DEPTOR: variants seen among roughly 807,000 people sequenced by gnomAD.
DEPTOR encodes DEP domain containing MTOR interacting protein.
DEPTOR carries 41 observed loss-of-function variants against 41.6 expected under a neutral mutation model. That is an observed-to-expected ratio of 0.98 (90% CI 0.77 to 1.28). DEPTOR has a LOEUF of 1.28. DEPTOR is among the 50% of genes most tolerant of loss of function. The pLI, the probability that DEPTOR is intolerant of heterozygous loss-of-function variation, is 0.00. For missense variants in DEPTOR, 514 were observed against 527.9 expected (o/e 0.97, Z 0.26); for synonymous variants, 195 against 192.3 (o/e 1.01, Z -0.12).
At chr8:119,877,062 C>A (rs1291094652) in intron 1 of DEPTOR, among the ~76,000 whole-genome samples, 3 of 152,216 alleles carry the variant, frequency 2.0e-5, no homozygotes, top group South Asian at 2.1e-4. Flanking sequence ...TCTGCCTCCA[C>A]CATTTATTCT....
chr8:119,928,729 C>T, intron 2 of DEPTOR, 151 bp downstream of exon 2: 1 of 624,496 alleles, frequency 1.6e-6, no homozygotes, highest in Non-Finnish European at 2.4e-6. Flanking sequence ...CTCTAAGAGG[C>T]ATTTGGGTTC....
At chr8:119,995,588 CAA>C (rs773251025) in intron 4 of DEPTOR, among the ~76,000 whole-genome samples, 19 of 92,310 alleles carry the variant, frequency 2.1e-4, no homozygotes, top group Non-Finnish European at 1.1e-4. Context: ...TCCTCTGTCT[CAA>C]AAAAAAAAAA....
intron 8 of DEPTOR, among the ~76,000 whole-genome samples, chr8:120,009,725 A>G (rs978483139): frequency 2.0e-5 from 3 of 152,122 alleles, no homozygotes; most frequent in African/African-American, 7.2e-5. Flanking sequence ...TTTCTCCCTA[A>G]GCGTTTTGGC....
chr8:120,046,648 A>G (rs145771799), intron 8 of DEPTOR, among the ~76,000 whole-genome samples: 59 of 152,146 alleles, frequency 3.9e-4, no homozygotes, highest in African/African-American at 1.3e-3. Context: ...GTAGAGACGG[A>G]GTCTCACTAT....
At chr8:119,918,313 T>A (rs1215044056) in intron 1 of DEPTOR, among the ~76,000 whole-genome samples, 3 of 152,186 alleles carry the variant, frequency 2.0e-5, no homozygotes, top group Non-Finnish European at 4.4e-5. Flanking sequence ...GACACAGAGG[T>A]TGCATAGAAC....
At chr8:119,973,381 TCA>T (rs1438882591) in intron 4 of DEPTOR, among the ~76,000 whole-genome samples, 2 of 151,504 alleles carry the variant, frequency 1.3e-5, no homozygotes, top group African/African-American at 4.9e-5. Flanking sequence ...CTACAAGTGC[TCA>T]CCACCACACC....
intron 4 of DEPTOR, among the ~76,000 whole-genome samples, chr8:119,983,686 C>A (rs1371104693): frequency 1.3e-5 from 2 of 152,024 alleles, no homozygotes; most frequent in African/African-American, 4.8e-5. Context: ...GCCTGGCCTT[C>A]TTTGCAGCTT....
chr8:119,949,919 A>T (rs1452578799), intron 3 of DEPTOR, among the ~76,000 whole-genome samples: 1 of 152,148 alleles, frequency 6.6e-6, no homozygotes, highest in Non-Finnish European at 1.5e-5. Context: ...ACCTCAGGTG[A>T]TCCACCCACC....
intron 4 of DEPTOR, among the ~76,000 whole-genome samples, chr8:119,974,208 G>A (rs1175595009): frequency 7.7e-6 from 1 of 130,640 alleles, no homozygotes; most frequent in Non-Finnish European, 1.6e-5. Context: ...GGACCAGCCT[G>A]GGAAACATAG....
intron 1 of DEPTOR, among the ~76,000 whole-genome samples, chr8:119,881,561 T>G (rs13282901): frequency 0.5 from 75,479 of 151,450 alleles, 20,433 homozygotes; most frequent in East Asian, 0.92. Flanking sequence ...AAAATGGGCC[T>G]TTGAACCAAA....
intron 4 of DEPTOR, among the ~76,000 whole-genome samples, chr8:119,968,927 C>A (rs981997835): frequency 1.3e-5 from 2 of 152,004 alleles, no homozygotes; most frequent in African/African-American, 2.4e-5. Context: ...AACCCCGTCT[C>A]TACTATAAAA....
At chr8:120,036,506 G>T (rs1039545799) in intron 8 of DEPTOR, among the ~76,000 whole-genome samples, 1 of 152,192 alleles carries the variant, frequency 6.6e-6, no homozygotes, top group African/African-American at 2.4e-5. Flanking sequence ...CTTGCAGAGA[G>T]ATTTATGGGG....
At chr8:120,041,516 G>A (rs1298015115) in intron 8 of DEPTOR, among the ~76,000 whole-genome samples, 5 of 151,962 alleles carry the variant, frequency 3.3e-5, no homozygotes, top group South Asian at 2.1e-4. Flanking sequence ...TAACTCTTAC[G>A]AGGCTAACTT....
intron 4 of DEPTOR, among the ~76,000 whole-genome samples, chr8:119,995,373 G>T (rs1158013020): frequency 1.3e-5 from 2 of 152,090 alleles, no homozygotes; most frequent in Admixed American, 1.3e-4. Context: ...ATCACCTGAG[G>T]TCAGGAGTTC....
At chr8:119,927,869 A>G (rs1056968451) in intron 1 of DEPTOR, among the ~76,000 whole-genome samples, 14 of 151,946 alleles carry the variant, frequency 9.2e-5, no homozygotes, top group Non-Finnish European at 1.6e-4. Flanking sequence ...AGCATCCCAA[A>G]GTGCTGGGAT....
At chr8:119,979,711 C>G (rs997871765) in intron 4 of DEPTOR, among the ~76,000 whole-genome samples, 1 of 152,102 alleles carries the variant, frequency 6.6e-6, no homozygotes, top group Admixed American at 6.5e-5. Context: ...TTTAGCCACT[C>G]CCCAAGCTGT....
chr8:119,916,574 A>G lies in DEPTOR; in HGVS notation c.123-11826A>G, dbSNP rs1035088904. On this transcript the variant is annotated intron_variant, in intron 1 of 8. Coordinates refer to ENST00000286234, the MANE Select transcript of DEPTOR (RefSeq NM_022783.4). ...TTATTTGGAAGGCTTACTGAGGACT[A>G]TAGACAGGGGTCAGCAGCTCAGGAG... Among the ~76,000 whole-genome samples, 3 of 152,340 alleles carry G rather than the reference A, an allele frequency of 2.0e-5. No homozygotes were observed. The South Asian group carries it at 6.2e-4, about 32-fold the overall frequency.
At chr8:119,998,423 A>G (rs1563587111) in intron 4 of DEPTOR, among the ~76,000 whole-genome samples, 1 of 152,154 alleles carries the variant, frequency 6.6e-6, no homozygotes, top group Non-Finnish European at 1.5e-5. Context: ...CATATTGACT[A>G]ATGAGGTTGA....
chr8:119,963,494 A>G (rs978994450), intron 3 of DEPTOR, among the ~76,000 whole-genome samples: 3 of 152,040 alleles, frequency 2.0e-5, no homozygotes, highest in Admixed American at 6.6e-5. Flanking sequence ...TACTACAGGC[A>G]TGTGCCAATG....
Sources: allele counts gnomAD v4.1 joint callset (sites outside exome capture counted in the v4.1 genomes callset), GRCh38; gene constraint gnomAD v4.1.1; transcripts MANE v1.5; gene names NCBI Gene and HGNC (gene_info 2026-07-23, HGNC 2026-07-21).